GDNF: variants seen among roughly 807,000 people sequenced by gnomAD.
GDNF encodes glial cell line-derived neurotrophic factor.
GDNF carries 5 observed loss-of-function variants against 13.7 expected under a neutral mutation model. The observed-to-expected ratio is 0.36, with a 90% CI of 0.19 to 0.77. The LOEUF (loss-of-function observed/expected upper bound fraction) is 0.77. GDNF is among the 30% of genes least tolerant of loss of function. GDNF has a pLI of 0.51. For missense variants in GDNF, 246 were observed against 274.3 expected (o/e 0.90, Z 0.73); for synonymous variants, 122 against 112.5 (o/e 1.08, Z -0.53).
At chr5:37,818,228 C>T (rs1561127487) in intron 2 of GDNF, among the ~76,000 whole-genome samples, 2 of 152,194 alleles carry the variant, frequency 1.3e-5, no homozygotes, top group Admixed American at 6.5e-5. Flanking sequence ...GCTGTGTCCC[C>T]ACCCAAATAT....
chr5:37,827,137 T>G (rs1486062473), intron 2 of GDNF, among the ~76,000 whole-genome samples: 1 of 151,970 alleles, frequency 6.6e-6, no homozygotes, highest in Admixed American at 6.6e-5. Flanking sequence ...AAAAAAAGAC[T>G]TGGGAATCAT....
intron 2 of GDNF, among the ~76,000 whole-genome samples, chr5:37,833,231 C>A (rs911201926): frequency 2.8e-4 from 43 of 152,264 alleles, no homozygotes; most frequent in African/African-American, 1.0e-3. Flanking sequence ...CTTGTCTAGA[C>A]CGTTTGAGTG....
chr5:37,837,010 C>A lies in GDNF; in HGVS notation c.-26-2188G>T, dbSNP rs1463656045. ...AGCGCCCGGATCGAGCTCCCCTCTTCCCCCGGGACAGGGAGGGCGCATTCT... is the reference window on the plus strand; with the variant it reads ...AGCGCCCGGATCGAGCTCCCCTCTTACCCCGGGACAGGGAGGGCGCATTCT... On this transcript the variant is annotated intron_variant, in intron 1 of 2. Transcript: ENST00000326524. This position sits in a 1 kb window ranked among gnomAD's most constrained non-coding sequence, Gnocchi z 6.5. 2.6e-5 allele frequency among the ~76,000 whole-genome samples: 4 copies of A among 152,204 alleles called. No individual in the cohort carries two copies. The South Asian group carries it at 8.3e-4, about 31-fold the overall frequency.
intron 2 of GDNF, among the ~76,000 whole-genome samples, chr5:37,833,996 C>T (rs1395111621): frequency 1.3e-5 from 2 of 152,232 alleles, no homozygotes; most frequent in Non-Finnish European, 2.9e-5. Context: ...TTAGCATTGT[C>T]TCACGTGGAG....
rs778615076 is a variant in GDNF, at chr5:37,834,639, T to A, written c.151+7A>T. 15 of 1,569,060 alleles carry A rather than the reference T, an allele frequency of 9.6e-6. No individual in the cohort carries two copies. Among genetic ancestry groups the A allele is most frequent in the Non-Finnish European group, 1.3e-5 (15 of 1,160,188 alleles). ...CGGCCCCCCCGCGGGGAGGGAACGG[T>A]TCTTACAGTCACTGCTCAGCGCGAA... On this transcript the variant is annotated splice_region_variant and intron_variant, in intron 2 of 2. Transcript: ENST00000326524.
At chr5:37,831,130 T>C (rs375179627) in intron 2 of GDNF, among the ~76,000 whole-genome samples, 2 of 152,248 alleles carry the variant, frequency 1.3e-5, no homozygotes, top group East Asian at 3.8e-4. Context: ...CATTATATTA[T>C]ACTAAATTAG....
At chr5:37,816,467 C>T (rs2111633208) in intron 2 of GDNF, among the ~76,000 whole-genome samples, 1 of 152,286 alleles carries the variant, frequency 6.6e-6, no homozygotes, top group South Asian at 2.1e-4. Context: ...CTTCTAGGGG[C>T]ATTTTTCTTG....
intron 2 of GDNF, among the ~76,000 whole-genome samples, chr5:37,832,142 C>T (rs191802768): frequency 1.2e-4 from 19 of 152,292 alleles, no homozygotes; most frequent in Admixed American, 3.9e-4. Context: ...CTGTGAAAAG[C>T]GCAGAATGAC....
intron 2 of GDNF, among the ~76,000 whole-genome samples, chr5:37,820,452 G>A (rs904273389): frequency 5.3e-5 from 8 of 152,146 alleles, no homozygotes; most frequent in African/African-American, 1.9e-4. Context: ...GGCTTTGTTT[G>A]CCAGGTAAAA....
intron 1 of GDNF, chr5:37,835,901 G>A (rs2111727334): frequency 1.8e-6 from 1 of 559,918 alleles, no homozygotes; most frequent in Non-Finnish European, 3.2e-6. Flanking sequence ...TCAGCCCGAG[G>A]TGGGCTCTGT....
chr5:37,834,682 C>G lies in GDNF; in HGVS notation c.115G>C (p.Gly39Arg), dbSNP rs559223938. 2.5e-5 allele frequency: 40 copies of G among 1,607,160 alleles called. No homozygotes were observed. The African/African-American group carries it at 4.3e-4, about 17-fold the overall frequency. The change falls in exon 2 of 3, where the codon GGC becomes CGC. Residue 39 changes from glycine to arginine, a missense_variant. Physicochemically the swap from Gly to Arg is moderately radical, Grantham distance 125. Transcript: ENST00000326524. ...AGCGCGAAGGGCGCGCGGCGGCGGC[C>G]GAGGGAGCGGTCTTCGGCGGGCGCC... Reference protein sequence around the residue: ...PEAPAEDRSLGRRRAPFALSS... With the variant: ...PEAPAEDRSLRRRRAPFALSS...
At position 37,813,004 on chromosome 5, in the gene GDNF, G is replaced by C. The variant is rs1025450593; in HGVS notation, c.*2647C>G. 1.5e-4 allele frequency: 23 copies of C among 152,140 alleles called. No individual in the cohort carries two copies. The highest frequency in any genetic ancestry group is 6.8e-3 in the Middle Eastern group (2 of 294). The allele number at this position is 152,140 out of a possible 1,614,324, so 9.4% of individuals were successfully genotyped here. ...AGGGACTCTCCATGGGGAGTTGTTG[G>C]GGGGGGTCACTGAGGTTGAAGCCTG... On this transcript the variant is annotated 3_prime_UTR_variant, in exon 3 of 3. Coordinates refer to ENST00000326524, the MANE Select transcript of GDNF (RefSeq NM_000514.4).
intron 1 of GDNF, chr5:37,835,781 C>T (rs1750683116): frequency 1.2e-6 from 1 of 826,594 alleles, no homozygotes; most frequent in Non-Finnish European, 2.0e-6. Context: ...TGGCTCCCCG[C>T]GCCCCCGTCA....
Position 37,814,256 on chromosome 5 carries a change from T to A in GDNF, c.*1395A>T, listed in dbSNP as rs2111618774. On this transcript the variant is annotated 3_prime_UTR_variant, in exon 3 of 3. Coordinates refer to ENST00000326524, the MANE Select transcript of GDNF (RefSeq NM_000514.4). The stretch of plus-strand genomic sequence containing the variant: ...GAACTGAACCTTTTCTACATATGGT[T>A]ATGCATAGTACAGATAGGTATACGT... 6.6e-6 allele frequency: 1 copy of A among 152,362 alleles called. No individual in the cohort carries two copies. The highest frequency in any genetic ancestry group is 1.9e-4 in the East Asian group (1 of 5,188). 9.4% of individuals were successfully genotyped at this position (152,362 alleles called of 1,614,324 possible). A position where few individuals can be genotyped will look rare whatever the true frequency, so the allele number is the denominator to read the frequency against.
rs1750742872 is a variant in GDNF at position 37,837,337 on chromosome 5, G to A, written c.-27+2170C>T. ...AACCAAGCTCTGCTCCTCAAGTGACGGGGGCTCTGCTCTGCCAGGTGACCG... is the reference window on the plus strand; with the variant it reads ...AACCAAGCTCTGCTCCTCAAGTGACAGGGGCTCTGCTCTGCCAGGTGACCG... On this transcript the variant is annotated intron_variant, in intron 1 of 2. Coordinates refer to ENST00000326524, the MANE Select transcript of GDNF (RefSeq NM_000514.4). The surrounding 1 kb of genome is among the most constrained non-coding windows in gnomAD (Gnocchi z 6.5). Among the ~76,000 whole-genome samples, 1 of 152,166 alleles carries A rather than the reference G, an allele frequency of 6.6e-6. No homozygotes were observed. The highest frequency in any genetic ancestry group is 1.5e-5 in the Non-Finnish European group (1 of 68,024).
At chr5:37,826,205 T>C (rs1421323135) in intron 2 of GDNF, among the ~76,000 whole-genome samples, 2 of 152,188 alleles carry the variant, frequency 1.3e-5, no homozygotes, top group African/African-American at 4.8e-5. Flanking sequence ...ACCTTTACCT[T>C]CAGGTCAAAA....
At chr5:37,833,063 G>A (rs1750576259) in intron 2 of GDNF, among the ~76,000 whole-genome samples, 1 of 152,206 alleles carries the variant, frequency 6.6e-6, no homozygotes, top group Non-Finnish European at 1.5e-5. Flanking sequence ...AGCAGAGCCA[G>A]GAGCCTGAGC....
intron 2 of GDNF, among the ~76,000 whole-genome samples, chr5:37,827,678 G>A (rs1581585278): frequency 6.6e-6 from 1 of 152,298 alleles, no homozygotes; most frequent in East Asian, 1.9e-4. Context: ...GTCATGGGGT[G>A]TATATTAACA....
chr5:37,817,458 G>A (rs1001898667), intron 2 of GDNF, among the ~76,000 whole-genome samples: 1 of 152,038 alleles, frequency 6.6e-6, no homozygotes, highest in East Asian at 1.9e-4. Context: ...TGCCAAGATT[G>A]TATTAAAGCA....
Sources: allele counts gnomAD v4.1 joint callset (sites outside exome capture counted in the v4.1 genomes callset), GRCh38; gene constraint gnomAD v4.1.1; non-coding constraint Gnocchi (gnomAD v3.1); transcripts MANE v1.5; gene names NCBI Gene and HGNC (gene_info 2026-07-23, HGNC 2026-07-21).